LYZL6: variants seen among roughly 807,000 people sequenced by gnomAD.
LYZL6 encodes lysozyme like 6.
LYZL6 carries 21 observed loss-of-function variants against 15.0 expected under a neutral mutation model. The observed-to-expected ratio is 1.40, with a 90% CI of 1.00 to 2.02. LYZL6 has a LOEUF of 2.02. LYZL6 is among the 30% of genes most tolerant of loss of function. The pLI, the probability that LYZL6 is intolerant of heterozygous loss-of-function variation, is 0.00. For missense variants in LYZL6, 173 were observed against 180.5 expected, an observed-to-expected ratio of 0.96 and a Z score of 0.24; for synonymous variants, 72 against 67.8, an observed-to-expected ratio of 1.06 and a Z score of -0.31.
At chr17:35,938,826 C>T (rs1169121385) in intron 2 of LYZL6, among the ~76,000 whole-genome samples, 1 of 152,140 alleles carries the variant, frequency 6.6e-6, no homozygotes, top group Non-Finnish European at 1.5e-5. Flanking sequence ...TTCAGTGCTG[C>T]TTAATGTCAT....
intron 2 of LYZL6, 43 bp downstream of exon 2, chr17:35,939,175 C>T (rs754330155): frequency 1.1e-5 from 18 of 1,598,614 alleles, no homozygotes; most frequent in Non-Finnish European, 1.5e-5. Context: ...TAGGACATGA[C>T]TAGCAGAGGA....
chr17:35,936,155 G>A (rs1236889566), intron 4 of LYZL6, among the ~76,000 whole-genome samples: 1 of 152,174 alleles, frequency 6.6e-6, no homozygotes, highest in Non-Finnish European at 1.5e-5. Context: ...TATGGCCACA[G>A]GGCCCGAGCG....
chr17:35,938,045 G>A, intron 2 of LYZL6, 129 bp from the exon 3 acceptor site: 1 of 828,494 alleles, frequency 1.2e-6, no homozygotes, highest in Admixed American at 2.8e-5. Context: ...AGGACTAGAG[G>A]GCTTGAAATC....
chr17:35,936,127 T>TA (rs1179642996), intron 4 of LYZL6, among the ~76,000 whole-genome samples: 1 of 152,116 alleles, frequency 6.6e-6, no homozygotes, highest in South Asian at 2.1e-4. Flanking sequence ...CATTTTTAAA[T>TA]AAAAAAATAT....
At chr17:35,943,223 G>A (rs760745926) in intron 1 of LYZL6, among the ~76,000 whole-genome samples, 1 of 152,088 alleles carries the variant, frequency 6.6e-6, no homozygotes, top group African/African-American at 2.4e-5. Context: ...GTGAGACCAC[G>A]AACCTTGGTA....
intron 1 of LYZL6, 54 bp downstream of exon 1, chr17:35,943,513 C>G (rs2089438736): frequency 6.6e-6 from 1 of 152,256 alleles, no homozygotes; most frequent in South Asian, 2.1e-4. Flanking sequence ...TCAGGGTCCC[C>G]TCAAGGAAGA....
chr17:35,937,716 G>A (rs747345749), intron 3 of LYZL6, 42 bp downstream of exon 3: 1 of 1,591,418 alleles, frequency 6.3e-7, no homozygotes, highest in Non-Finnish European at 8.6e-7. Context: ...GCAGAGCCTG[G>A]TTGCTGCTCT....
chr17:35,936,282 C>T (rs907427930), intron 4 of LYZL6, among the ~76,000 whole-genome samples: 2 of 152,238 alleles, frequency 1.3e-5, no homozygotes, highest in South Asian at 2.1e-4. Context: ...TGGACTGGGA[C>T]TGAGCCTAGC....
chr17:35,937,969 A>G (rs2089391317), intron 2 of LYZL6, 53 bp from the exon 3 acceptor site: 1 of 1,570,178 alleles, frequency 6.4e-7, no homozygotes, highest in African/African-American at 1.4e-5. Flanking sequence ...GCTGAGTGAG[A>G]AGGGAGATGG....
chr17:35,940,369 G>A lies in LYZL6; in HGVS notation c.-202-811C>T, dbSNP rs186168929. Among the ~76,000 whole-genome samples the A allele has an allele frequency of 2.6e-5, 4 of 152,290 alleles. No individual in the cohort carries two copies. The East Asian group carries it at 7.7e-4, about 29-fold the overall frequency. Reference sequence around the variant, plus strand: ...AGGCTGGAGCAGGAAAGGGTTATGAGATGTCTGGATTATCTTGCTGTACAA... The same window carrying A: ...AGGCTGGAGCAGGAAAGGGTTATGAAATGTCTGGATTATCTTGCTGTACAA... On this transcript the variant is annotated intron_variant, in intron 1 of 4. Coordinates refer to ENST00000615905, the MANE Select transcript of LYZL6 (RefSeq NM_020426.4).
intron 4 of LYZL6, 39 bp from the exon 5 acceptor site, chr17:35,934,904 G>C: frequency 6.3e-7 from 1 of 1,599,488 alleles, no homozygotes; most frequent in Non-Finnish European, 8.6e-7. Flanking sequence ...CTCACACTCA[G>C]TAACTCTTCC....
intron 1 of LYZL6, among the ~76,000 whole-genome samples, chr17:35,939,942 T>G (rs1042984425): frequency 6.6e-6 from 1 of 152,190 alleles, no homozygotes; most frequent in Non-Finnish European, 1.5e-5. Flanking sequence ...GAGCATGTGC[T>G]TTTAGAAAGA....
intron 1 of LYZL6, among the ~76,000 whole-genome samples, chr17:35,942,311 A>C (rs2089429979): frequency 6.6e-6 from 1 of 152,192 alleles, no homozygotes; most frequent in Non-Finnish European, 1.5e-5. Context: ...AAAAGAAATA[A>C]TACTTCCAAT....
At chr17:35,935,842 C>G (rs933978839) in intron 4 of LYZL6, among the ~76,000 whole-genome samples, 4 of 145,562 alleles carry the variant, frequency 2.7e-5, no homozygotes, top group African/African-American at 1.0e-4. Context: ...TAAACAGAGT[C>G]TCATTCTGCC....
At chr17:35,941,637 T>C (rs1263788282) in intron 1 of LYZL6, among the ~76,000 whole-genome samples, 1 of 152,056 alleles carries the variant, frequency 6.6e-6, no homozygotes, top group East Asian at 1.9e-4. Context: ...TTAAATGCAA[T>C]AGGAATCCAT....
Position 35,939,269 on chromosome 17 carries a change from C to T in LYZL6, c.88G>A (p.Val30Met), listed in dbSNP as rs1355136076. 3.1e-6 allele frequency: 5 copies of T among 1,614,168 alleles called. No homozygotes were observed. Among genetic ancestry groups the T allele is most frequent in the East Asian group, 2.2e-5 (1 of 44,886 alleles). ...CCATCCAAGTCCTCCAGCTGCAGCA[C>T]CTGGGCCAAGTCACAGCGACTGATG... ...SLISRCDLAQ[V>M]LQLEDLDGFE... is the part of the protein sequence containing the mutation. The change falls in exon 2 of 5, where the codon GTG becomes ATG. Residue 30 changes from valine to methionine, a missense_variant. Physicochemically the swap from Val to Met is conservative, Grantham distance 21. Transcript: ENST00000615905.
intron 3 of LYZL6, 72 bp downstream of exon 3, chr17:35,937,686 T>A: frequency 6.6e-7 from 1 of 1,516,198 alleles, no homozygotes; most frequent in Non-Finnish European, 9.0e-7. Context: ...AGGCTGTGGG[T>A]GGGAAGAGAA....
intron 1 of LYZL6, among the ~76,000 whole-genome samples, chr17:35,941,683 A>G (rs1041884692): frequency 6.6e-6 from 1 of 152,184 alleles, no homozygotes; most frequent in Non-Finnish European, 1.5e-5. Context: ...AAAAAGATAC[A>G]TTGTGTGGAG....
chr17:35,940,068 A>G lies in LYZL6; in HGVS notation c.-202-510T>C, dbSNP rs200904490. Among the ~76,000 whole-genome samples, 14 of 152,176 alleles carry G rather than the reference A, an allele frequency of 9.2e-5. No individual in the cohort carries two copies. In the East Asian group the frequency reaches 2.5e-3, roughly 27 times the overall value. On this transcript the variant is annotated intron_variant, in intron 1 of 4. Transcript: ENST00000615905. ...ACAATTCTTGGTGGGCTGGCTGTAG[A>G]CGTAACCTTCACTTTCACATTGTGT...
Sources: allele counts gnomAD v4.1 joint callset (sites outside exome capture counted in the v4.1 genomes callset), GRCh38; gene constraint gnomAD v4.1.1; transcripts MANE v1.5; gene names NCBI Gene and HGNC (gene_info 2026-07-23, HGNC 2026-07-21).